The following CNTNAP2 variants were observed in gnomAD, a reference collection of about 807,000 sequenced individuals.
CNTNAP2 encodes contactin-associated protein-like 2.
A neutral mutation model predicts 155.2 loss-of-function variants in CNTNAP2; 98 were observed. That is an observed-to-expected ratio of 0.63 (90% CI 0.54 to 0.75). CNTNAP2 has a LOEUF of 0.75. CNTNAP2 is among the 30% of genes least tolerant of loss of function. The pLI, the probability that CNTNAP2 is intolerant of heterozygous loss-of-function variation, is 0.00. For missense variants in CNTNAP2, 1,727 were observed against 1,688.1 expected (o/e 1.02, Z -0.40); for synonymous variants, 651 against 631.2 (o/e 1.03, Z -0.47).
intron 1 of CNTNAP2, among the ~76,000 whole-genome samples, chr7:146,309,671 G>A (rs532167028): frequency 3.9e-5 from 6 of 151,900 alleles, no homozygotes; most frequent in Admixed American, 1.3e-4. Context: ...GCGTGTTGGC[G>A]GGCGACTGTA....
intron 8 of CNTNAP2, among the ~76,000 whole-genome samples, chr7:147,210,321 G>A (rs545946071): frequency 6.6e-6 from 1 of 151,980 alleles, no homozygotes; most frequent in African/African-American, 2.4e-5. Flanking sequence ...ATTCAATCTT[G>A]GGAGATTGTA....
At chr7:147,802,443 G>A (rs1305059554) in intron 13 of CNTNAP2, among the ~76,000 whole-genome samples, 2 of 152,146 alleles carry the variant, frequency 1.3e-5, no homozygotes, top group Non-Finnish European at 2.9e-5. Context: ...GGTGGAAGTT[G>A]TAGCGAGCCG....
At chr7:147,768,693 AACT>A (rs1272673354) in intron 13 of CNTNAP2, among the ~76,000 whole-genome samples, 3 of 152,078 alleles carry the variant, frequency 2.0e-5, no homozygotes, top group Non-Finnish European at 4.4e-5. Flanking sequence ...CACAGAAAAC[AACT>A]GAGGCTTCAG....
At chr7:146,327,832 G>A (rs1202473362) in intron 1 of CNTNAP2, among the ~76,000 whole-genome samples, 1 of 152,200 alleles carries the variant, frequency 6.6e-6, no homozygotes, top group South Asian at 2.1e-4. Context: ...TAAGATTCAA[G>A]ACTTTGAATT....
At chr7:148,245,634 A>C (rs374172845) in intron 20 of CNTNAP2, among the ~76,000 whole-genome samples, 1 of 152,210 alleles carries the variant, frequency 6.6e-6, no homozygotes, top group African/African-American at 2.4e-5. Flanking sequence ...GAGCGGGCTC[A>C]GGGTCACCAT....
At chr7:146,920,731 G>C (rs2129219866) in intron 3 of CNTNAP2, among the ~76,000 whole-genome samples, 1 of 152,164 alleles carries the variant, frequency 6.6e-6, no homozygotes, top group South Asian at 2.1e-4. Context: ...CCACTATGAG[G>C]GTTGTGGATT....
chr7:146,237,972 T>C (rs1799500859), intron 1 of CNTNAP2, among the ~76,000 whole-genome samples: 1 of 152,214 alleles, frequency 6.6e-6, no homozygotes, highest in South Asian at 2.1e-4. Flanking sequence ...TATTACAGTT[T>C]CAAATCTAAA....
intron 8 of CNTNAP2, among the ~76,000 whole-genome samples, chr7:147,232,630 T>C (rs748772085): frequency 6.6e-6 from 1 of 152,152 alleles, no homozygotes; most frequent in Non-Finnish European, 1.5e-5. Context: ...TGGATATTCA[T>C]ATGTAAAAGA....
intron 4 of CNTNAP2, among the ~76,000 whole-genome samples, chr7:147,071,540 G>T (rs1799891472): frequency 6.6e-6 from 1 of 152,092 alleles, no homozygotes; most frequent in African/African-American, 2.4e-5. Flanking sequence ...GTAACCCCAG[G>T]CCCTAGTATG....
At chr7:146,929,533 T>C (rs1445362241) in intron 3 of CNTNAP2, among the ~76,000 whole-genome samples, 13 of 151,992 alleles carry the variant, frequency 8.6e-5, no homozygotes, top group Admixed American at 3.3e-4. Flanking sequence ...GCAGAGCGCC[T>C]CTCCTCCTCC....
chr7:147,219,801 A>T (rs575874039), intron 8 of CNTNAP2, among the ~76,000 whole-genome samples: 1 of 152,200 alleles, frequency 6.6e-6, no homozygotes, highest in African/African-American at 2.4e-5. Flanking sequence ...TGTTGTTGAG[A>T]CGGACTCTCT....
At position 147,028,596 on chromosome 7, in the gene CNTNAP2, TAGA is replaced by T. The variant is rs545132005; in HGVS notation, c.403-15305_403-15303del. On this transcript the variant is annotated intron_variant, in intron 3 of 23. Coordinates refer to ENST00000361727, the MANE Select transcript of CNTNAP2 (RefSeq NM_014141.6). ...GTAGGATTTGTCCCCTGTTAGACTGTAGAAGAAGGCCAGTTGGGTAGTAGACTG... is the reference window on the plus strand; with the variant it reads ...GTAGGATTTGTCCCCTGTTAGACTGTAGAAGGCCAGTTGGGTAGTAGACTG... Among the ~76,000 whole-genome samples the T allele has an allele frequency of 2.9e-3, 434 of 152,266 alleles. 3 individuals are homozygous for T. Among genetic ancestry groups the T allele is most frequent in the African/African-American group, 1.0e-2 (415 of 41,552 alleles).
At chr7:146,791,827 G>A (rs780596429) in intron 2 of CNTNAP2, among the ~76,000 whole-genome samples, 16 of 152,298 alleles carry the variant, frequency 1.1e-4, no homozygotes, top group South Asian at 2.1e-4. Context: ...AATTCAAATA[G>A]ATTTCTCACT....
At chr7:146,323,830 A>G (rs1349808166) in intron 1 of CNTNAP2, among the ~76,000 whole-genome samples, 1 of 152,168 alleles carries the variant, frequency 6.6e-6, no homozygotes, top group African/African-American at 2.4e-5. Context: ...TCCTTATTTC[A>G]TAATAAATGC....
intron 9 of CNTNAP2, among the ~76,000 whole-genome samples, chr7:147,334,436 T>A (rs2116847759): frequency 6.6e-6 from 1 of 152,344 alleles, no homozygotes. Context: ...GCATTCTGGC[T>A]CTTATTATCA....
At chr7:148,166,030 C>T (rs1805651353) in intron 17 of CNTNAP2, among the ~76,000 whole-genome samples, 1 of 151,992 alleles carries the variant, frequency 6.6e-6, no homozygotes. Flanking sequence ...TGGACGAGCT[C>T]ATGATCCCCT....
chr7:146,931,112 C>A (rs1468305925), intron 3 of CNTNAP2, among the ~76,000 whole-genome samples: 3 of 149,446 alleles, frequency 2.0e-5, no homozygotes, highest in African/African-American at 4.9e-5. Context: ...GAACTCTCCA[C>A]CCCAAATCAA....
At chr7:148,170,372 A>G (rs1805759540) in intron 17 of CNTNAP2, among the ~76,000 whole-genome samples, 1 of 152,252 alleles carries the variant, frequency 6.6e-6, no homozygotes, top group African/African-American at 2.4e-5. Flanking sequence ...AAAATAATAG[A>G]AGCCAAATTG....
chr7:148,010,482 G>C (rs937260605), intron 15 of CNTNAP2, among the ~76,000 whole-genome samples: 3 of 151,200 alleles, frequency 2.0e-5, no homozygotes, highest in Non-Finnish European at 4.4e-5. Context: ...TCTTTTAAAA[G>C]TTTTAACCGT....
Sources: allele counts gnomAD v4.1 joint callset (sites outside exome capture counted in the v4.1 genomes callset), GRCh38; gene constraint gnomAD v4.1.1; transcripts MANE v1.5; gene names NCBI Gene and HGNC (gene_info 2026-07-23, HGNC 2026-07-21).